ATF7: variants seen among roughly 807,000 people sequenced by gnomAD.
ATF7 encodes cyclic AMP-dependent transcription factor ATF-7.
In ATF7, 10 loss-of-function variants were observed where a neutral mutation model predicts 50.4. The observed-to-expected ratio is 0.20, with a 90% CI of 0.12 to 0.34. The LOEUF (loss-of-function observed/expected upper bound fraction) is 0.34. Among genes scored for constraint, ATF7 ranks in the 10% least tolerant of loss-of-function variants. ATF7 has a pLI of 1.00. For synonymous variants in ATF7, 201 were observed against 226.4 expected, an observed-to-expected ratio of 0.89 and a Z score of 1.01; for missense variants, 465 against 613.9, an observed-to-expected ratio of 0.76 and a Z score of 2.56.
At chr12:53,614,952 T>C (rs1944055502) in intron 1 of ATF7, among the ~76,000 whole-genome samples, 1 of 151,720 alleles carries the variant, frequency 6.6e-6, no homozygotes, top group Non-Finnish European at 1.5e-5. Context: ...TGGTGGCAGA[T>C]GCCTATAATC....
In ATF7 at chr12:53,624,702, A is replaced by C. The variant is rs148756604; in HGVS notation, c.-22+1577T>G. On this transcript the variant is annotated intron_variant, in intron 1 of 11. Coordinates refer to ENST00000420353, the MANE Select transcript of ATF7 (RefSeq NM_006856.3). ...GTTTGATTTCCCCAGCCCTTGGCCT[A>C]AGATATTATGACATAGCTTTAGTTT... Among the ~76,000 whole-genome samples the C allele has an allele frequency of 8.5e-5, 13 of 152,328 alleles. No individual in the cohort carries two copies. In the East Asian group the frequency reaches 2.5e-3, roughly 29 times the overall value.
intron 1 of ATF7, among the ~76,000 whole-genome samples, chr12:53,619,782 A>G (rs953539447): frequency 6.6e-6 from 1 of 152,082 alleles, no homozygotes; most frequent in African/African-American, 2.4e-5. Context: ...ATTGCACTCC[A>G]GCCTGGGAGA....
downstream of ATF7, among the ~76,000 whole-genome samples, chr12:53,509,796 G>A (rs1445628599): frequency 2.6e-5 from 4 of 152,014 alleles, no homozygotes; most frequent in East Asian, 1.9e-4. Context: ...GTGAGCCACC[G>A]CACCTGGCCC....
At chr12:53,602,932 C>G (rs1186370456) in intron 1 of ATF7, among the ~76,000 whole-genome samples, 1 of 152,184 alleles carries the variant, frequency 6.6e-6, no homozygotes, top group Non-Finnish European at 1.5e-5. Context: ...GTCTGGAAAG[C>G]AATTCATCTC....
At chr12:53,536,985 T>C (rs1939262332) in intron 5 of ATF7, among the ~76,000 whole-genome samples, 1 of 152,202 alleles carries the variant, frequency 6.6e-6, no homozygotes, top group African/African-American at 2.4e-5. Context: ...TATAGACTTA[T>C]AAGTGAAATT....
At position 53,534,516 on chromosome 12, in the gene ATF7, G is replaced by A; in HGVS notation, c.546C>T (p.Ser182=). ...TCTGTACTTACCCCATTTGCCTGTT[G>A]GATGGTGGAGCCTGTGTGATGACAG... ...PTSVITQAPP[S]NRQMGSPTGS... The change falls in exon 6 of 12, where the codon TCC becomes TCT. Residue 182 remains serine, a synonymous_variant. Coordinates refer to ENST00000420353, the MANE Select transcript of ATF7 (RefSeq NM_006856.3). 1 of 1,613,860 alleles carries A rather than the reference G, an allele frequency of 6.2e-7. No homozygotes were observed. The highest frequency in any genetic ancestry group is 8.5e-7 in the Non-Finnish European group (1 of 1,179,812).
At chr12:53,602,721 T>C (rs537437766) in intron 1 of ATF7, among the ~76,000 whole-genome samples, 6 of 152,320 alleles carry the variant, frequency 3.9e-5, no homozygotes, top group African/African-American at 1.4e-4. Flanking sequence ...AAGCTGATGA[T>C]TGGGTACTGG....
chr12:53,605,711 T>A (rs1943573061), intron 1 of ATF7, among the ~76,000 whole-genome samples: 1 of 152,214 alleles, frequency 6.6e-6, no homozygotes, highest in South Asian at 2.1e-4. Flanking sequence ...TGTTAGTGAC[T>A]GGGTGAGGGT....
intron 3 of ATF7, among the ~76,000 whole-genome samples, chr12:53,550,334 AT>A (rs368495648): frequency 0.13 from 15,340 of 122,040 alleles, 916 homozygotes; most frequent in East Asian, 0.21. Flanking sequence ...AAAAAAAAAA[AT>A]AAATAAATAA....
intron 2 of ATF7, among the ~76,000 whole-genome samples, chr12:53,579,143 C>T (rs574183245): frequency 2.6e-5 from 4 of 152,070 alleles, no homozygotes; most frequent in Admixed American, 6.5e-5. Context: ...ACTTGGGAGG[C>T]TGAGGCACAA....
chr12:53,537,321 G>T, intron 5 of ATF7, 94 bp downstream of exon 5: 1 of 1,429,948 alleles, frequency 7.0e-7, no homozygotes. Flanking sequence ...CTCCCATCTT[G>T]GCCTCCTGAG....
At chr12:53,606,489 C>G (rs1943610815) in intron 1 of ATF7, among the ~76,000 whole-genome samples, 1 of 152,120 alleles carries the variant, frequency 6.6e-6, no homozygotes, top group Admixed American at 6.5e-5. Context: ...CTTAGGTGAT[C>G]CACCCGCCTT....
chr12:53,581,351 A>G (rs944848844), intron 2 of ATF7, among the ~76,000 whole-genome samples: 3 of 152,194 alleles, frequency 2.0e-5, no homozygotes, highest in Non-Finnish European at 2.9e-5. Flanking sequence ...TCAACTGGAC[A>G]TAATTAACAT....
chr12:53,543,098 A>T, intron 4 of ATF7: 1 of 1,405,586 alleles, frequency 7.1e-7, no homozygotes, highest in Middle Eastern at 2.6e-4. Context: ...CCCCTGGAAG[A>T]ACAAGAGGAC....
intron 3 of ATF7, among the ~76,000 whole-genome samples, chr12:53,549,661 C>T (rs1452246185): frequency 6.6e-6 from 1 of 152,122 alleles, no homozygotes; most frequent in African/African-American, 2.4e-5. Context: ...CTTACTGCAA[C>T]CTCTGCCTCC....
chr12:53,532,763 G>A, intron 7 of ATF7, 140 bp from the exon 8 acceptor site: 2 of 615,614 alleles, frequency 3.2e-6, no homozygotes, highest in East Asian at 2.8e-5. Context: ...GGGCGTGCAG[G>A]GACAGCCTGG....
chr12:53,510,738 G>A (rs774456927), downstream of ATF7, among the ~76,000 whole-genome samples: 2 of 152,186 alleles, frequency 1.3e-5, no homozygotes, highest in Non-Finnish European at 2.9e-5. Context: ...CATTCAGAAA[G>A]AGGCTGGTTT....
intron 1 of ATF7, among the ~76,000 whole-genome samples, chr12:53,609,021 T>C (rs1474445903): frequency 6.6e-6 from 1 of 152,172 alleles, no homozygotes; most frequent in Non-Finnish European, 1.5e-5. Flanking sequence ...TTTCTCTTCA[T>C]AGGCCAGGTG....
intron 2 of ATF7, among the ~76,000 whole-genome samples, chr12:53,587,843 A>ATATATATATATATATATTTTTTT: frequency 3.2e-5 from 2 of 61,564 alleles, no homozygotes; most frequent in African/African-American, 1.0e-4. Flanking sequence ...ATATATATAT[A>ATATATATATATATATATTTTTTT]TTTTTTTTTT....
Sources: allele counts gnomAD v4.1 joint callset (sites outside exome capture counted in the v4.1 genomes callset), GRCh38; gene constraint gnomAD v4.1.1; transcripts MANE v1.5; gene names NCBI Gene and HGNC (gene_info 2026-07-23, HGNC 2026-07-21).